The following JARID2 variants were observed in gnomAD, a reference collection of about 807,000 sequenced individuals.
The protein encoded by JARID2 is jumonji and AT-rich interaction domain containing 2.
Under a neutral mutation model 125.6 loss-of-function variants are expected in JARID2, and 21 were observed. That is an observed-to-expected ratio of 0.17 (90% CI 0.12 to 0.24). The LOEUF (loss-of-function observed/expected upper bound fraction) is 0.24, where lower values mean the gene tolerates loss of function less well. Among genes scored for constraint, JARID2 ranks in the 10% least tolerant of loss-of-function variants. The pLI, the probability that JARID2 is intolerant of heterozygous loss-of-function variation, is 1.00. For synonymous variants in JARID2, 736 were observed against 661.6 expected (o/e 1.11, Z -1.73); for missense variants, 1,303 against 1,639.6 (o/e 0.79, Z 3.55).
In JARID2 at chr6:15,507,128, C is replaced by T. The variant is rs201785620; in HGVS notation, c.2542-8C>T. ...GGGTGCTGACCAGCCCTTTCCTGTTCCCTGCAGCAAGAGTACTGGAGGCTA... is the reference window on the plus strand; with the variant it reads ...GGGTGCTGACCAGCCCTTTCCTGTTTCCTGCAGCAAGAGTACTGGAGGCTA... On this transcript the variant is annotated splice_region_variant and splice_polypyrimidine_tract_variant and intron_variant, in intron 9 of 17. Transcript: ENST00000341776. 1.5e-5 allele frequency: 24 copies of T among 1,578,990 alleles called. No individual in the cohort carries two copies. The African/African-American group carries it at 2.6e-4, about 17-fold the overall frequency.
In JARID2 at chr6:15,452,159, C is replaced by T. The variant is rs1252018856; in HGVS notation, c.477C>T (p.Thr159=). Residue 159 remains threonine (T), a synonymous_variant, in exon 4 of 18, where the codon ACC becomes ACT. Coordinates refer to ENST00000341776, the MANE Select transcript of JARID2 (RefSeq NM_004973.4). ...KRKPKTEDFL[T]FLCLRGSPAL... Reference sequence around the variant, plus strand: ...AGCCTAAGACAGAAGATTTTCTTACCTTTCTCTGCCTTCGAGGTAAGACTT... The same window carrying T: ...AGCCTAAGACAGAAGATTTTCTTACTTTTCTCTGCCTTCGAGGTAAGACTT... 57 of 1,613,714 alleles carry T rather than the reference C, an allele frequency of 3.5e-5. No individual in the cohort carries two copies. Among genetic ancestry groups the T allele is most frequent in the Non-Finnish European group, 4.7e-5 (56 of 1,179,952 alleles).
chr6:15,476,576 A>G (rs192499725), intron 5 of JARID2, among the ~76,000 whole-genome samples: 39 of 152,360 alleles, frequency 2.6e-4, no homozygotes, highest in Admixed American at 1.6e-3. Flanking sequence ...TCCTAATGGA[A>G]ATGGATTTAT....
intron 6 of JARID2, among the ~76,000 whole-genome samples, chr6:15,489,928 C>A (rs1411205864): frequency 1.3e-5 from 2 of 152,220 alleles, no homozygotes; most frequent in African/African-American, 4.8e-5. Context: ...GATGGGTTGA[C>A]CCATGGCTCC....
chr6:15,352,856 C>T (rs1490243127), intron 1 of JARID2, among the ~76,000 whole-genome samples: 1 of 152,214 alleles, frequency 6.6e-6, no homozygotes, highest in Non-Finnish European at 1.5e-5. Context: ...CTTATTACAG[C>T]TGCAAAGGGC....
chr6:15,389,436 C>G (rs908177348), intron 2 of JARID2, among the ~76,000 whole-genome samples: 1 of 152,306 alleles, frequency 6.6e-6, no homozygotes, highest in African/African-American at 2.4e-5. Flanking sequence ...ACCAAGGGAC[C>G]CATGCTTTTG....
At chr6:15,284,807 A>G (rs1254260121) in intron 1 of JARID2, among the ~76,000 whole-genome samples, 1 of 152,050 alleles carries the variant, frequency 6.6e-6, no homozygotes, top group African/African-American at 2.4e-5. Flanking sequence ...CCTTCATAAG[A>G]AAGGACAAAA....
intron 2 of JARID2, among the ~76,000 whole-genome samples, chr6:15,409,621 C>G (rs1304371783): frequency 6.6e-6 from 1 of 152,164 alleles, no homozygotes; most frequent in East Asian, 1.9e-4. Flanking sequence ...CCATGAGCAC[C>G]AAGACTCCCC....
intron 1 of JARID2, among the ~76,000 whole-genome samples, chr6:15,352,938 A>T (rs1158931554): frequency 2.6e-5 from 4 of 152,180 alleles, no homozygotes; most frequent in African/African-American, 9.7e-5. Context: ...GTCCCATTTT[A>T]TGCATTCATG....
chr6:15,337,049 G>C (rs1257651302), intron 1 of JARID2, among the ~76,000 whole-genome samples: 1 of 152,126 alleles, frequency 6.6e-6, no homozygotes, highest in Non-Finnish European at 1.5e-5. Flanking sequence ...TCCTCGCAGG[G>C]TGAGTGTAAA....
intron 1 of JARID2, among the ~76,000 whole-genome samples, chr6:15,367,351 A>G (rs1246986873): frequency 6.6e-6 from 1 of 152,204 alleles, no homozygotes; most frequent in Non-Finnish European, 1.5e-5. Context: ...GTATGAACAA[A>G]TTGCATAACG....
intron 2 of JARID2, among the ~76,000 whole-genome samples, chr6:15,409,963 G>A (rs1765808798): frequency 6.6e-6 from 1 of 152,160 alleles, no homozygotes; most frequent in Admixed American, 6.5e-5. Flanking sequence ...GAATCCTGAA[G>A]TATAGTGTTA....
At chr6:15,392,284 C>T (rs1315005876) in intron 2 of JARID2, among the ~76,000 whole-genome samples, 1 of 152,078 alleles carries the variant, frequency 6.6e-6, no homozygotes, top group Admixed American at 6.5e-5. Flanking sequence ...CTGAATAAGC[C>T]TGGGGCTCTT....
intron 1 of JARID2, among the ~76,000 whole-genome samples, chr6:15,320,846 C>CTG (rs1302118188): frequency 2.2e-5 from 3 of 133,516 alleles, no homozygotes; most frequent in African/African-American, 9.1e-5. Flanking sequence ...CATTCTCTCT[C>CTG]TCTCTCTGTG....
intron 1 of JARID2, among the ~76,000 whole-genome samples, chr6:15,254,429 T>G (rs1759575080): frequency 6.6e-6 from 1 of 152,128 alleles, no homozygotes; most frequent in South Asian, 2.1e-4. Context: ...CAGTCCTCAC[T>G]AGGGGCTGGG....
intron 1 of JARID2, among the ~76,000 whole-genome samples, chr6:15,309,301 GTGTTAGTGT>G (rs1252225956): frequency 6.6e-6 from 1 of 151,840 alleles, no homozygotes; most frequent in Admixed American, 6.6e-5. Context: ...TGTGGAGACT[GTGTTAGTGT>G]CTTTAAAAAT....
chr6:15,397,525 G>T (rs1201497101), intron 2 of JARID2, among the ~76,000 whole-genome samples: 1 of 152,184 alleles, frequency 6.6e-6, no homozygotes, highest in African/African-American at 2.4e-5. Context: ...TAATTAGGTG[G>T]ATGGCAGCCA....
intron 6 of JARID2, among the ~76,000 whole-genome samples, chr6:15,489,524 C>G (rs1476139614): frequency 1.3e-5 from 2 of 152,254 alleles, no homozygotes; most frequent in Non-Finnish European, 2.9e-5. Context: ...GGCCTTCATT[C>G]AGTTCAAGGT....
intron 1 of JARID2, among the ~76,000 whole-genome samples, chr6:15,252,327 T>C (rs542837719): frequency 6.6e-6 from 1 of 152,284 alleles, no homozygotes; most frequent in Non-Finnish European, 1.5e-5. Flanking sequence ...TTAAAAATTG[T>C]TTGTTATCTA....
At chr6:15,438,010 C>T (rs1356857110) in intron 3 of JARID2, among the ~76,000 whole-genome samples, 1 of 152,064 alleles carries the variant, frequency 6.6e-6, no homozygotes, top group Non-Finnish European at 1.5e-5. Context: ...TTTCCAAACC[C>T]ACACAGGTTT....
Sources: allele counts gnomAD v4.1 joint callset (sites outside exome capture counted in the v4.1 genomes callset), GRCh38; gene constraint gnomAD v4.1.1; transcripts MANE v1.5; gene names NCBI Gene and HGNC (gene_info 2026-07-23, HGNC 2026-07-21).